SORCS2: variants seen among roughly 807,000 people sequenced by gnomAD.
The protein encoded by SORCS2 is VPS10 domain-containing receptor SorCS2.
SORCS2 carries 100 observed loss-of-function variants against 141.6 expected under a neutral mutation model. The ratio of observed to expected loss-of-function variants is 0.71; its 90% CI spans 0.60 to 0.83. The LOEUF is 0.83. Ranked by LOEUF, SORCS2 falls within the 40% of genes least tolerant of loss-of-function variation. SORCS2 has a pLI of 0.00. For missense variants in SORCS2, 1,646 were observed against 1,560.2 expected (o/e 1.05, Z -0.93); for synonymous variants, 789 against 676.9 (o/e 1.17, Z -2.57).
chr4:7,433,428 C>G, intron 2 of SORCS2: 1 of 1,523,338 alleles, frequency 6.6e-7, no homozygotes, highest in Non-Finnish European at 8.8e-7. Flanking sequence ...AGCTTGGGCC[C>G]AGGGCACACT....
chr4:7,738,558 C>T lies in SORCS2; in HGVS notation c.3415+1386C>T, dbSNP rs576949395. ...CGGCACACACCTCTCACCGTTGCTG[C>T]GGGGTTCTGCGGTAGCTTCTGGAGC... On this transcript the variant is annotated intron_variant, in intron 26 of 26. Coordinates refer to ENST00000507866, the MANE Select transcript of SORCS2 (RefSeq NM_020777.3). Among the ~76,000 whole-genome samples, 34 of 152,230 alleles carry T rather than the reference C, an allele frequency of 2.2e-4. No individual in the cohort carries two copies. The Middle Eastern group carries it at 0.01, about 46-fold the overall frequency.
intron 1 of SORCS2, among the ~76,000 whole-genome samples, chr4:7,368,426 G>A (rs547818983): frequency 6.6e-6 from 1 of 152,334 alleles, no homozygotes; most frequent in East Asian, 1.9e-4. Flanking sequence ...CTTCCACCTT[G>A]ACTGCCCGGA....
At chr4:7,440,373 G>C (rs1330412430) in intron 2 of SORCS2, among the ~76,000 whole-genome samples, 1 of 152,242 alleles carries the variant, frequency 6.6e-6, no homozygotes, top group Admixed American at 6.5e-5. Context: ...GGGAGGGTTT[G>C]ATGCTGACCA....
intron 2 of SORCS2, among the ~76,000 whole-genome samples, chr4:7,450,944 ATGAG>A (rs1195318387): frequency 6.9e-6 from 1 of 144,364 alleles, no homozygotes; most frequent in East Asian, 2.1e-4. Context: ...GAGTGAGTAA[ATGAG>A]TGAGTGGATG....
rs192470128 is a variant in SORCS2, at chr4:7,490,173, C to T, written c.549-41357C>T. 1.6e-3 allele frequency among the ~76,000 whole-genome samples: 245 copies of T among 152,284 alleles called. 2 individuals carry two copies. The highest frequency in any genetic ancestry group is 5.6e-3 in the African/African-American group (231 of 41,556). ...TGCAGAAGGGCCCAGGGGCCTCTCC[C>T]GGCTTCTCGATGCTCTAAGCATCGC... On this transcript the variant is annotated intron_variant, in intron 2 of 26. Transcript: ENST00000507866.
At position 7,201,906 on chromosome 4, in the gene SORCS2, G is replaced by A. The variant is rs560981426; in HGVS notation, c.480+8780G>A. On this transcript the variant is annotated intron_variant, in intron 1 of 26. Transcript: ENST00000507866. The surrounding 1 kb of genome is among the most constrained non-coding windows in gnomAD (Gnocchi z 4.4). Reference sequence around the variant, plus strand: ...GCAGAGATCCCTGGCTCTGGCCACCGGGAGGGCAAGGTCTCCGTCTGTAGC... The same window carrying A: ...GCAGAGATCCCTGGCTCTGGCCACCAGGAGGGCAAGGTCTCCGTCTGTAGC... 7.9e-5 allele frequency among the ~76,000 whole-genome samples: 12 copies of A among 152,248 alleles called. 1 individual carries two copies. The East Asian group carries it at 1.7e-3, about 22-fold the overall frequency.
At chr4:7,655,618 C>T (rs773961264) in intron 5 of SORCS2, among the ~76,000 whole-genome samples, 108 of 152,346 alleles carry the variant, frequency 7.1e-4, no homozygotes, top group Admixed American at 1.5e-3. Flanking sequence ...GGAGAGGCGA[C>T]GGCCGTCTGT....
chr4:7,543,285 G>C (rs76407338), intron 3 of SORCS2, among the ~76,000 whole-genome samples: 15 of 152,160 alleles, frequency 9.9e-5, no homozygotes, highest in East Asian at 7.7e-4. Context: ...GCATCCCTCC[G>C]TTCATCTGTT....
intron 2 of SORCS2, among the ~76,000 whole-genome samples, chr4:7,416,732 A>ACG (rs1447538752): frequency 6.7e-6 from 1 of 150,076 alleles, no homozygotes; most frequent in Non-Finnish European, 1.5e-5. Context: ...TCAGACACAC[A>ACG]CGCATGCACA....
chr4:7,740,270 C>T lies in SORCS2; in HGVS notation c.*6C>T. 1 of 1,608,540 alleles carries T rather than the reference C, an allele frequency of 6.2e-7. No individual in the cohort carries two copies. The highest frequency in any genetic ancestry group is 1.3e-5 in the African/African-American group (1 of 75,008). The stretch of plus-strand genomic sequence containing the variant: ...ACAGCTACCTGGTGAGCTGATGCCA[C>T]CCCAGCATCTGTCTTTTCACCCACG... On this transcript the variant is annotated 3_prime_UTR_variant, in exon 27 of 27. Coordinates refer to ENST00000507866, the MANE Select transcript of SORCS2 (RefSeq NM_020777.3).
intron 1 of SORCS2, among the ~76,000 whole-genome samples, chr4:7,227,673 C>T (rs1711518156): frequency 6.6e-6 from 1 of 152,182 alleles, no homozygotes; most frequent in Admixed American, 6.5e-5. Flanking sequence ...GCCTCACCCA[C>T]CGCGCTGCTT....
At chr4:7,560,089 G>C (rs1714426465) in intron 3 of SORCS2, among the ~76,000 whole-genome samples, 1 of 152,220 alleles carries the variant, frequency 6.6e-6, no homozygotes, top group Admixed American at 6.5e-5. Flanking sequence ...CTGAACAAAT[G>C]CTCACATCCT....
chr4:7,608,125 G>A (rs1022200478), intron 3 of SORCS2, among the ~76,000 whole-genome samples: 31 of 152,158 alleles, frequency 2.0e-4, no homozygotes, highest in African/African-American at 7.0e-4. Context: ...CTAGTGTATG[G>A]CACACGCAGT....
intron 1 of SORCS2, among the ~76,000 whole-genome samples, chr4:7,372,973 C>G (rs1043434085): frequency 1.3e-5 from 2 of 150,592 alleles, no homozygotes; most frequent in African/African-American, 2.4e-5. Flanking sequence ...GCTGCTGATC[C>G]GTCGCCAGCT....
intron 1 of SORCS2, among the ~76,000 whole-genome samples, chr4:7,308,812 C>T (rs1439073472): frequency 2.0e-5 from 3 of 152,178 alleles, no homozygotes; most frequent in African/African-American, 7.2e-5. Flanking sequence ...CTCTCCAGCA[C>T]CCTGTCTGTC....
intron 1 of SORCS2, among the ~76,000 whole-genome samples, chr4:7,355,964 C>G (rs1721226691): frequency 6.6e-6 from 1 of 152,260 alleles, no homozygotes; most frequent in African/African-American, 2.4e-5. Flanking sequence ...CCCTCCCTTC[C>G]TTCCACTCTT....
At chr4:7,317,207 G>T (rs1355994736) in intron 1 of SORCS2, among the ~76,000 whole-genome samples, 2 of 152,202 alleles carry the variant, frequency 1.3e-5, no homozygotes, top group Non-Finnish European at 2.9e-5. Context: ...TGACAAAGCT[G>T]CCGGTGACTA....
chr4:7,502,763 G>A (rs1301565930), intron 2 of SORCS2, among the ~76,000 whole-genome samples: 2 of 151,054 alleles, frequency 1.3e-5, no homozygotes, highest in Non-Finnish European at 2.9e-5. Flanking sequence ...TGACCTCTGT[G>A]CTCAGAGACC....
At chr4:7,662,969 GGTGA>G (rs369693061) in intron 6 of SORCS2, among the ~76,000 whole-genome samples, 108 of 152,170 alleles carry the variant, frequency 7.1e-4, no homozygotes, top group African/African-American at 1.5e-3. Context: ...TGAATGAATA[GGTGA>G]GTGAGTGAGT....
Sources: allele counts gnomAD v4.1 joint callset (sites outside exome capture counted in the v4.1 genomes callset), GRCh38; gene constraint gnomAD v4.1.1; non-coding constraint Gnocchi (gnomAD v3.1); transcripts MANE v1.5; gene names NCBI Gene and HGNC (gene_info 2026-07-23, HGNC 2026-07-21).